Variants in MYOM1 observed in about 807,000 individuals in gnomAD.
MYOM1 encodes myomesin-1.
Under a neutral mutation model 205.3 loss-of-function variants are expected in MYOM1, and 164 were observed. That is an observed-to-expected ratio of 0.80 (90% CI 0.70 to 0.91). MYOM1 has a LOEUF of 0.91. Ranked by LOEUF, MYOM1 falls within the 40% of genes least tolerant of loss-of-function variation. The pLI, the probability that MYOM1 is intolerant of heterozygous loss-of-function variation, is 0.00. For missense variants in MYOM1, 2,011 were observed against 2,127.3 expected (o/e 0.95, Z 1.08); for synonymous variants, 772 against 789.4 (o/e 0.98, Z 0.37).
At chr18:3,071,119 A>G (rs2078954806) in intron 37 of MYOM1, among the ~76,000 whole-genome samples, 1 of 152,154 alleles carries the variant, frequency 6.6e-6, no homozygotes. Flanking sequence ...AATTATTAAA[A>G]AAAGAAAGAA....
At chr18:3,241,245 T>G in the MYOM1 span, among the ~76,000 whole-genome samples, 2 of 152,212 alleles carry the variant, frequency 1.3e-5, no homozygotes, top group African/African-American at 4.8e-5. Context: ...GAGGTCTTCA[T>G]GGCAGCCCCT....
At chr18:3,239,459 T>G in the MYOM1 span, among the ~76,000 whole-genome samples, 9 of 152,178 alleles carry the variant, frequency 5.9e-5, no homozygotes, top group African/African-American at 2.2e-4. Context: ...TGACATCAAA[T>G]AGACAAGAGC....
At chr18:3,167,646 A>AAG (rs2080492356) in intron 9 of MYOM1, among the ~76,000 whole-genome samples, 1 of 152,154 alleles carries the variant, frequency 6.6e-6, no homozygotes. Flanking sequence ...CAGCCTCCCA[A>AAG]AGTGCTGGGA....
chr18:3,095,447 T>C (rs1256127435), intron 25 of MYOM1, among the ~76,000 whole-genome samples: 1 of 152,026 alleles, frequency 6.6e-6, no homozygotes, highest in Non-Finnish European at 1.5e-5. Context: ...TGGGCGCCTA[T>C]ATCCCAGCTA....
At chr18:3,240,062 C>T in the MYOM1 span, among the ~76,000 whole-genome samples, 1 of 152,152 alleles carries the variant, frequency 6.6e-6, no homozygotes, top group Non-Finnish European at 1.5e-5. Flanking sequence ...CTAAAGTAAG[C>T]ATCGACTATA....
intron 5 of MYOM1, among the ~76,000 whole-genome samples, chr18:3,178,287 G>C (rs1819198435): frequency 6.6e-6 from 1 of 152,166 alleles, no homozygotes; most frequent in Non-Finnish European, 1.5e-5. Flanking sequence ...ATGAGATAGT[G>C]CTGTTTTTAA....
intron 20 of MYOM1, 78 bp from the exon 21 acceptor site, chr18:3,116,593 T>G: frequency 7.7e-7 from 1 of 1,301,998 alleles, no homozygotes; most frequent in African/African-American, 1.5e-5. Flanking sequence ...CACTTGTAAG[T>G]CTTCAAGCTA....
intron 17 of MYOM1, 80 bp downstream of exon 17, chr18:3,131,295 T>C: frequency 6.7e-7 from 1 of 1,499,328 alleles, no homozygotes. Flanking sequence ...AGCTAAATAA[T>C]TTCTGGAGAG....
chr18:3,124,366 G>A lies in MYOM1; in HGVS notation c.2991+2335C>T, dbSNP rs372593942. ...CCCAGGCTGGAGTGCAGTGGCGTGC[G>A]ATCTTGGCTCACTGCAAGCTCCGCC... On this transcript the variant is annotated intron_variant, in intron 19 of 37. Transcript: ENST00000356443. Among the ~76,000 whole-genome samples the A allele has an allele frequency of 1.4e-3, 211 of 145,554 alleles. 7 individuals carry two copies. The South Asian group carries it at 0.044, about 30-fold the overall frequency.
chr18:3,095,557 G>T (rs1276925830), intron 25 of MYOM1, among the ~76,000 whole-genome samples: 1 of 152,208 alleles, frequency 6.6e-6, no homozygotes, highest in African/African-American at 2.4e-5. Flanking sequence ...AACAAAGTGA[G>T]ACTCTGTCTC....
At chr18:3,078,973 CTT>C (rs11408756) in intron 34 of MYOM1, among the ~76,000 whole-genome samples, 1 of 105,890 alleles carries the variant, frequency 9.4e-6, no homozygotes. Flanking sequence ...TACCCAGCTA[CTT>C]TTTTTTTTTT....
intron 1 of MYOM1, among the ~76,000 whole-genome samples, chr18:3,217,976 A>C (rs1279860327): frequency 6.6e-6 from 1 of 152,184 alleles, no homozygotes; most frequent in Non-Finnish European, 1.5e-5. Context: ...AAACAAAAAA[A>C]CCTGTTTGCT....
At chr18:3,193,341 CATATACATATATATATATAT>C in intron 3 of MYOM1, among the ~76,000 whole-genome samples, 1 of 118,316 alleles carries the variant, frequency 8.5e-6, no homozygotes, top group East Asian at 2.3e-4. Flanking sequence ...TATATATGTA[CATATACATATATATATATAT>C]ACACACACAC....
rs189898106 is a variant in MYOM1 at position 3,206,825 on chromosome 18, C to T, written c.290+8109G>A. 2.8e-3 allele frequency among the ~76,000 whole-genome samples: 422 copies of T among 152,260 alleles called. 3 individuals carry two copies. The highest frequency in any genetic ancestry group is 7.9e-3 in the South Asian group (38 of 4,824). ...CAGAAAAAGTTTCTTATGGTACAAACATGAATTTAGTTAGATCGACATGAT... is the reference window on the plus strand; with the variant it reads ...CAGAAAAAGTTTCTTATGGTACAAATATGAATTTAGTTAGATCGACATGAT... On this transcript the variant is annotated intron_variant, in intron 2 of 37. Coordinates refer to ENST00000356443, the MANE Select transcript of MYOM1 (RefSeq NM_003803.4).
At chr18:3,128,207 C>G (rs2079822592) in intron 18 of MYOM1, among the ~76,000 whole-genome samples, 1 of 152,172 alleles carries the variant, frequency 6.6e-6, no homozygotes, top group South Asian at 2.1e-4. Context: ...TTTAAAAAAG[C>G]TTTCTCTCTC....
At position 3,187,857 on chromosome 18, in the gene MYOM1, CTTTTTTTTTT is replaced by C. The variant is rs763218658; in HGVS notation, c.772-230_772-221del. On this transcript the variant is annotated intron_variant, in intron 4 of 37. Coordinates refer to ENST00000356443, the MANE Select transcript of MYOM1 (RefSeq NM_003803.4). ...TAAGCAACATCTTTGATTTCTTTTT[CTTTTTTTTTT>C]TTTTTTTTTTGGCCCGGACTGGAGT... Among the ~76,000 whole-genome samples, 352 of 124,230 alleles carry C rather than the reference CTTTTTTTTTT, an allele frequency of 2.8e-3. 2 individuals carry two copies. The highest frequency in any genetic ancestry group is 4.3e-3 in the Non-Finnish European group (258 of 59,520). The allele number at this position is 124,230 out of a possible 152,430, so 81.5% of individuals were successfully genotyped here.
At chr18:3,148,382 A>C (rs1000597248) in intron 13 of MYOM1, among the ~76,000 whole-genome samples, 3 of 152,234 alleles carry the variant, frequency 2.0e-5, no homozygotes, top group Admixed American at 6.5e-5. Context: ...ATGCTGAGTA[A>C]AGAAAAACAG....
chr18:3,189,117 G>T lies in MYOM1; in HGVS notation c.432-30C>A. The T allele has an allele frequency of 6.3e-7, 1 of 1,586,412 alleles. No homozygotes were observed. On this transcript the variant is annotated intron_variant, in intron 3 of 37. Coordinates refer to ENST00000356443, the MANE Select transcript of MYOM1 (RefSeq NM_003803.4). The surrounding 1 kb of genome is among the most constrained non-coding windows in gnomAD (Gnocchi z 4.8). ...AACACAACAATGGCAAAATGTAGATGTTGTGGATGGCAGTGATAAGATTGA... is the reference window on the plus strand; with the variant it reads ...AACACAACAATGGCAAAATGTAGATTTTGTGGATGGCAGTGATAAGATTGA...
chr18:3,226,394 A>G, the MYOM1 span, among the ~76,000 whole-genome samples: 3 of 152,194 alleles, frequency 2.0e-5, no homozygotes, highest in East Asian at 5.8e-4. This position sits in a 1 kb window ranked among gnomAD's most constrained non-coding sequence, Gnocchi z 4.6. Context: ...GCACGAGGGC[A>G]TCTTCACCCT....
Sources: allele counts gnomAD v4.1 joint callset (sites outside exome capture counted in the v4.1 genomes callset), GRCh38; gene constraint gnomAD v4.1.1; non-coding constraint Gnocchi (gnomAD v3.1); transcripts MANE v1.5; gene names NCBI Gene and HGNC (gene_info 2026-07-23, HGNC 2026-07-21).